Variants in SMARCA2 observed in about 807,000 individuals in gnomAD.
SMARCA2 encodes the protein SWI/SNF-related matrix-associated actin-dependent regulator of chromatin subfamily A member 2.
Under a neutral mutation model 199.8 loss-of-function variants are expected in SMARCA2, and 61 were observed. The observed-to-expected ratio is 0.31, with a 90% CI of 0.25 to 0.38. The LOEUF is 0.38. Ranked by LOEUF, SMARCA2 falls within the 10% of genes least tolerant of loss-of-function variation. SMARCA2 has a pLI of 1.00. For synonymous variants in SMARCA2, 935 were observed against 732.0 expected (o/e 1.28, Z -4.48); for missense variants, 1,344 against 2,012.2 (o/e 0.67, Z 6.35).
chr9:2,058,149 A>G, intron 7 of SMARCA2, 142 bp from the exon 8 acceptor site: 1 of 713,256 alleles, frequency 1.4e-6, no homozygotes, highest in African/African-American at 1.8e-5. Flanking sequence ...CAGAGACACC[A>G]GGGCACCTAT....
rs372485797 is a variant in SMARCA2, at chr9:2,139,470, G to T, written c.3981+15533G>T. On this transcript the variant is annotated intron_variant, in intron 27 of 33. Coordinates refer to ENST00000349721, the MANE Select transcript of SMARCA2 (RefSeq NM_003070.5). ...ACCAACACTGGTGTGATATTGTGAA[G>T]TCCAGCACGCTAGAGTGTCAACATT... Among the ~76,000 whole-genome samples the T allele has an allele frequency of 2.8e-4, 43 of 152,302 alleles. No individual in the cohort carries two copies. The East Asian group carries it at 5.6e-3, about 20-fold the overall frequency.
At chr9:2,060,467 T>G (rs1160156115) in intron 8 of SMARCA2, among the ~76,000 whole-genome samples, 1 of 151,102 alleles carries the variant, frequency 6.6e-6, no homozygotes, top group Non-Finnish European at 1.5e-5. Context: ...AATATAGAGT[T>G]AAAGATAAAG....
At chr9:2,131,330 G>A (rs1823938399) in intron 27 of SMARCA2, among the ~76,000 whole-genome samples, 2 of 152,180 alleles carry the variant, frequency 1.3e-5, no homozygotes, top group South Asian at 4.1e-4. Flanking sequence ...TGAATGTGTA[G>A]ACACTTCTTT....
intron 27 of SMARCA2, chr9:2,158,137 G>T (rs1419622998): frequency 7.9e-5 from 4 of 50,748 alleles, no homozygotes; most frequent in Non-Finnish European, 1.2e-4. Flanking sequence ...AAAATTGAAA[G>T]AAAGAAAAGA....
chr9:2,167,970 C>T (rs1024440685), intron 28 of SMARCA2, among the ~76,000 whole-genome samples: 3 of 151,488 alleles, frequency 2.0e-5, no homozygotes, highest in Non-Finnish European at 4.4e-5. Context: ...TTACCTGGTA[C>T]TTATAATCAA....
At chr9:2,033,160 AT>A in intron 3 of SMARCA2, 79 bp downstream of exon 3, 2 of 1,492,788 alleles carry the variant, frequency 1.3e-6, no homozygotes, top group East Asian at 2.3e-5. Flanking sequence ...TTAATTATGA[AT>A]TCCAAAGAAT....
intron 23 of SMARCA2, among the ~76,000 whole-genome samples, chr9:2,105,408 G>GC (rs917892993): frequency 4.1e-4 from 55 of 133,792 alleles, no homozygotes; most frequent in Admixed American, 2.4e-3. Context: ...ACCACGCCCG[G>GC]CTAATTTTTT....
intron 29 of SMARCA2, among the ~76,000 whole-genome samples, chr9:2,172,790 G>A (rs528650240): frequency 1.9e-4 from 29 of 152,286 alleles, no homozygotes; most frequent in Admixed American, 1.9e-3. Context: ...TCTGTCATGT[G>A]GGAGAGGGGA....
chr9:2,047,744 T>C (rs895407328), intron 5 of SMARCA2: 13 of 257,578 alleles, frequency 5.0e-5, no homozygotes, highest in African/African-American at 2.9e-4. Flanking sequence ...ACACTGTCCG[T>C]GTTTGTGCTT....
intron 27 of SMARCA2, among the ~76,000 whole-genome samples, chr9:2,126,548 G>T (rs996954185): frequency 1.3e-5 from 2 of 152,224 alleles, no homozygotes; most frequent in African/African-American, 4.8e-5. Flanking sequence ...GTGAAGAGAT[G>T]TTCTCTACTG....
chr9:2,078,018 A>G (rs1445859549), intron 14 of SMARCA2, among the ~76,000 whole-genome samples: 3 of 152,124 alleles, frequency 2.0e-5, no homozygotes, highest in Admixed American at 6.5e-5. Context: ...ATTTTAAGTG[A>G]TCTCTGCAAA....
intron 3 of SMARCA2, among the ~76,000 whole-genome samples, chr9:2,037,338 T>C (rs1445383489): frequency 6.6e-6 from 1 of 152,222 alleles, no homozygotes; most frequent in East Asian, 1.9e-4. Flanking sequence ...CAACTAAAAC[T>C]GTAATCACTG....
Position 2,100,963 on chromosome 9 carries a change from T to C in SMARCA2, c.3079-607T>C, listed in dbSNP as rs935029768. Among the ~76,000 whole-genome samples, 138 of 151,862 alleles carry C rather than the reference T, an allele frequency of 9.1e-4. 7 individuals carry two copies. The highest frequency in any genetic ancestry group is 2.1e-4 in the Non-Finnish European group (14 of 68,000). On this transcript the variant is annotated intron_variant, in intron 21 of 33. Coordinates refer to ENST00000349721, the MANE Select transcript of SMARCA2 (RefSeq NM_003070.5). ...TTACATGGTGGCAGACAAGAGAGAA[T>C]GTGAGGCAAGTGAAAAGGGAAACCC... is the stretch of plus-strand genomic sequence containing the variant.
rs554435322 is a variant in SMARCA2, at chr9:2,100,950, A to G, written c.3079-620A>G. Among the ~76,000 whole-genome samples the G allele has an allele frequency of 9.9e-4, 151 of 152,250 alleles. 1 individual carries two copies. Among genetic ancestry groups the G allele is most frequent in the African/African-American group, 3.4e-3 (140 of 41,554 alleles). ...TGAAAGGAACGTCTTACATGGTGGC[A>G]GACAAGAGAGAATGTGAGGCAAGTG... On this transcript the variant is annotated intron_variant, in intron 21 of 33. Coordinates refer to ENST00000349721, the MANE Select transcript of SMARCA2 (RefSeq NM_003070.5).
intron 16 of SMARCA2, 49 bp from the exon 17 acceptor site, chr9:2,084,037 C>A: frequency 1.0e-6 from 1 of 964,866 alleles, no homozygotes; most frequent in Non-Finnish European, 1.7e-6. Flanking sequence ...AGAAATAATG[C>A]ACATATATGT....
chr9:2,064,958 G>T (rs1048766171), intron 9 of SMARCA2, among the ~76,000 whole-genome samples: 7 of 152,224 alleles, frequency 4.6e-5, no homozygotes, highest in Non-Finnish European at 8.8e-5. Context: ...GCCGAGGCGG[G>T]CGGATCACGA....
chr9:2,132,989 T>C (rs2130657270), intron 27 of SMARCA2, among the ~76,000 whole-genome samples: 1 of 152,170 alleles, frequency 6.6e-6, no homozygotes, highest in South Asian at 2.1e-4. Flanking sequence ...AAATAAATAA[T>C]AAAGGTTGAG....
intron 1 of SMARCA2, among the ~76,000 whole-genome samples, chr9:2,023,683 T>C (rs958477124): frequency 6.6e-6 from 1 of 152,186 alleles, no homozygotes; most frequent in African/African-American, 2.4e-5. Context: ...TTCGGGTAGA[T>C]TTATTTCCTT....
At chr9:2,028,387 A>G (rs1818922372) in intron 1 of SMARCA2, among the ~76,000 whole-genome samples, 1 of 152,250 alleles carries the variant, frequency 6.6e-6, no homozygotes, top group East Asian at 1.9e-4. Flanking sequence ...GAAACATTAA[A>G]TAACGTAGCT....
Sources: allele counts gnomAD v4.1 joint callset (sites outside exome capture counted in the v4.1 genomes callset), GRCh38; gene constraint gnomAD v4.1.1; transcripts MANE v1.5; gene names NCBI Gene and HGNC (gene_info 2026-07-23, HGNC 2026-07-21).